PPARD: variants seen among roughly 807,000 people sequenced by gnomAD.
PPARD encodes the protein peroxisome proliferator activated receptor delta, also known as peroxisome proliferator-activated receptor delta.
PPARD carries 6 observed loss-of-function variants against 39.5 expected under a neutral mutation model. That is an observed-to-expected ratio of 0.15 (90% CI 0.08 to 0.30). PPARD has a LOEUF of 0.30. Among genes scored for constraint, PPARD ranks in the 10% least tolerant of loss-of-function variants. The pLI is 1.00. For synonymous variants in PPARD, 210 were observed against 231.3 expected (o/e 0.91, Z 0.83); for missense variants, 397 against 596.8 (o/e 0.67, Z 3.49).
In PPARD at chr6:35,410,588, G is replaced by T. The variant is rs145411941; in HGVS notation, c.-101-399G>T. On this transcript the variant is annotated intron_variant, in intron 2 of 7. Transcript: ENST00000360694. ...TGGGCCTGAGTGCTGATAGGGACAG[G>T]GTCGGGGATGGGAGGCGTGATGCAT... 1.9e-3 allele frequency among the ~76,000 whole-genome samples: 293 copies of T among 152,324 alleles called. 3 individuals carry two copies. The highest frequency in any genetic ancestry group is 3.4e-3 in the Middle Eastern group (1 of 294).
chr6:35,346,128 C>T (rs1340163358), intron 1 of PPARD, among the ~76,000 whole-genome samples: 5 of 152,154 alleles, frequency 3.3e-5, no homozygotes, highest in African/African-American at 4.8e-5. Flanking sequence ...ATCTGCCCGC[C>T]TCAGCCTCCC....
chr6:35,383,926 C>A (rs1416553098), intron 2 of PPARD, among the ~76,000 whole-genome samples: 350 of 133,988 alleles, frequency 2.6e-3, no homozygotes, highest in African/African-American at 0.013. Flanking sequence ...CCACCCCGTC[C>A]GGGAGGGAGG....
chr6:35,384,448 C>T (rs1413562902), intron 2 of PPARD, among the ~76,000 whole-genome samples: 1 of 110,742 alleles, frequency 9.0e-6, no homozygotes, highest in South Asian at 2.8e-4. Context: ...CGGGGTCAGC[C>T]CCCCGCCCGG....
At chr6:35,395,650 G>T (rs1269246366) in intron 2 of PPARD, among the ~76,000 whole-genome samples, 1 of 152,216 alleles carries the variant, frequency 6.6e-6, no homozygotes, top group East Asian at 1.9e-4. Context: ...CCAGGGCCAG[G>T]CAGGACAGGA....
chr6:35,385,947 G>T (rs1763625747), intron 2 of PPARD, among the ~76,000 whole-genome samples: 2 of 152,120 alleles, frequency 1.3e-5, no homozygotes, highest in Non-Finnish European at 2.9e-5. Context: ...TCATTTCAAG[G>T]GCGGGTGAGG....
intron 2 of PPARD, among the ~76,000 whole-genome samples, chr6:35,384,342 C>T (rs1385944081): frequency 7.2e-6 from 1 of 139,644 alleles, no homozygotes; most frequent in African/African-American, 2.8e-5. Context: ...CCAGCCGCCC[C>T]GTCTGGGAGG....
At chr6:35,414,454 G>C (rs1043660820) in intron 3 of PPARD, among the ~76,000 whole-genome samples, 4 of 152,100 alleles carry the variant, frequency 2.6e-5, no homozygotes, top group Non-Finnish European at 4.4e-5. Flanking sequence ...TGTTTAAAAG[G>C]GGGGTGAGGA....
intron 2 of PPARD, among the ~76,000 whole-genome samples, chr6:35,392,158 T>C (rs781261131): frequency 6.6e-6 from 1 of 152,042 alleles, no homozygotes; most frequent in Non-Finnish European, 1.5e-5. Context: ...ACCAGGTATA[T>C]GCAGCCTGTA....
intron 4 of PPARD, 64 bp from the exon 5 acceptor site, chr6:35,421,756 C>T: frequency 6.6e-7 from 1 of 1,518,016 alleles, no homozygotes; most frequent in Non-Finnish European, 8.9e-7. Context: ...CATAATCGGG[C>T]CCTTTGGCAC....
chr6:35,389,078 T>C lies in PPARD; in HGVS notation c.-101-21909T>C, dbSNP rs971172712. Among the ~76,000 whole-genome samples, 8 of 152,202 alleles carry C rather than the reference T, an allele frequency of 5.3e-5. 1 individual carries two copies. The East Asian group carries it at 1.5e-3, about 29-fold the overall frequency. The stretch of plus-strand genomic sequence containing the variant: ...CTGTAATCCCAGTACTTTGGGAGGC[T>C]GAGGTGGGAGGATAGCTTGAGCCTA... On this transcript the variant is annotated intron_variant, in intron 2 of 7. Coordinates refer to ENST00000360694, the MANE Select transcript of PPARD (RefSeq NM_006238.5).
At chr6:35,408,044 C>A in intron 2 of PPARD, among the ~76,000 whole-genome samples, 1 of 152,190 alleles carries the variant, frequency 6.6e-6, no homozygotes, top group Non-Finnish European at 1.5e-5. Context: ...TGGAGGCCGG[C>A]ATTGCAGGGT....
At chr6:35,408,350 T>G (rs569356503) in intron 2 of PPARD, among the ~76,000 whole-genome samples, 17 of 152,254 alleles carry the variant, frequency 1.1e-4, no homozygotes, top group African/African-American at 4.1e-4. Context: ...AGGCACAGAT[T>G]GCTGATCCAG....
At chr6:35,382,352 T>C (rs1193833133) in intron 2 of PPARD, among the ~76,000 whole-genome samples, 2 of 152,230 alleles carry the variant, frequency 1.3e-5, no homozygotes, top group Non-Finnish European at 2.9e-5. Context: ...ACCTATACTG[T>C]GCTTGCCATA....
intron 4 of PPARD, 93 bp from the exon 5 acceptor site, chr6:35,421,727 G>T: frequency 7.5e-7 from 1 of 1,330,842 alleles, no homozygotes; most frequent in Non-Finnish European, 1.0e-6. Context: ...CCAAATGTCA[G>T]GAGTGTTTAC....
intron 2 of PPARD, among the ~76,000 whole-genome samples, chr6:35,406,126 A>G (rs946094984): frequency 6.6e-6 from 1 of 152,046 alleles, no homozygotes; most frequent in African/African-American, 2.4e-5. Flanking sequence ...GGGTTTTGCC[A>G]TGTTGCCCAG....
chr6:35,412,799 T>C lies in PPARD; in HGVS notation c.130+1582T>C, dbSNP rs1211814523. ...CCCCGAGTAAGCAACTTCCTGTCTA[T>C]TGGCTGGTAACTGGGATGGCTTTGG... On this transcript the variant is annotated intron_variant, in intron 3 of 7. Coordinates refer to ENST00000360694, the MANE Select transcript of PPARD (RefSeq NM_006238.5). This position sits in a 1 kb window ranked among gnomAD's most constrained non-coding sequence, Gnocchi z 4.1. Among the ~76,000 whole-genome samples, 2 of 152,154 alleles carry C rather than the reference T, an allele frequency of 1.3e-5. No individual in the cohort carries two copies.
chr6:35,420,110 C>T lies in PPARD; in HGVS notation c.131-17C>T. On this transcript the variant is annotated splice_polypyrimidine_tract_variant and intron_variant, in intron 3 of 7. Transcript: ENST00000360694. ...CCTGGCAGCATGTGGAGCTGCCCCTCCATCGTGTGTCCGCAGACCTCTCCC... is the reference window on the plus strand; with the variant it reads ...CCTGGCAGCATGTGGAGCTGCCCCTTCATCGTGTGTCCGCAGACCTCTCCC... 1 of 1,608,986 alleles carries T rather than the reference C, an allele frequency of 6.2e-7. No homozygotes were observed. Among genetic ancestry groups the T allele is most frequent in the Admixed American group, 1.7e-5 (1 of 59,750 alleles).
intron 2 of PPARD, among the ~76,000 whole-genome samples, chr6:35,368,591 C>T (rs1194579813): frequency 1.3e-5 from 2 of 152,190 alleles, no homozygotes; most frequent in Non-Finnish European, 2.9e-5. Flanking sequence ...AAACCAATGA[C>T]TTCCAGAGGC....
At chr6:35,351,302 GAT>G (rs1458113327) in intron 2 of PPARD, among the ~76,000 whole-genome samples, 6 of 152,194 alleles carry the variant, frequency 3.9e-5, no homozygotes, top group African/African-American at 1.4e-4. Flanking sequence ...TGGGATTACA[GAT>G]GTGAGCCACT....
Sources: gnomAD v4.1 joint callset for allele counts (sites outside exome capture counted in the v4.1 genomes callset) on GRCh38, gnomAD v4.1.1 for gene constraint, Gnocchi (gnomAD v3.1) non-coding constraint, MANE v1.5 for transcripts, NCBI Gene and HGNC (gene_info 2026-07-23, HGNC 2026-07-21) for gene names.